The following CELF1 variants were observed in gnomAD, a reference collection of about 807,000 sequenced individuals.
CELF1 encodes the protein 50 kDa nuclear polyadenylated RNA-binding protein.
Under a neutral mutation model 61.8 loss-of-function variants are expected in CELF1, and 10 were observed. That is an observed-to-expected ratio of 0.16 (90% CI 0.10 to 0.27). The LOEUF (loss-of-function observed/expected upper bound fraction) is 0.27, where lower values mean the gene tolerates loss of function less well. Among genes scored for constraint, CELF1 ranks in the 10% least tolerant of loss-of-function variants. The pLI, the probability that CELF1 is intolerant of heterozygous loss-of-function variation, is 1.00. For synonymous variants in CELF1, 236 were observed against 225.1 expected (o/e 1.05, Z -0.43); for missense variants, 380 against 639.1 (o/e 0.59, Z 4.37).
At chr11:47,507,465 A>C (rs2094603395) in intron 1 of CELF1, among the ~76,000 whole-genome samples, 1 of 152,208 alleles carries the variant, frequency 6.6e-6, no homozygotes, top group African/African-American at 2.4e-5. Context: ...CTGAAACAAA[A>C]AAAAAAATCA....
chr11:47,495,638 T>C (rs2092946645), intron 3 of CELF1, among the ~76,000 whole-genome samples: 1 of 151,964 alleles, frequency 6.6e-6, no homozygotes, highest in Non-Finnish European at 1.5e-5. Flanking sequence ...TAGTTAAGAG[T>C]AGAAAGGAGG....
intron 2 of CELF1, among the ~76,000 whole-genome samples, chr11:47,560,909 C>T (rs1212974135): frequency 6.6e-6 from 1 of 151,978 alleles, no homozygotes; most frequent in Non-Finnish European, 1.5e-5. Flanking sequence ...GAGTCCGAGG[C>T]GGACAGATCA....
chr11:47,520,620 C>A (rs1288746897), intron 1 of CELF1, among the ~76,000 whole-genome samples: 6 of 151,774 alleles, frequency 4.0e-5, no homozygotes, highest in African/African-American at 1.5e-4. Context: ...CCAGCCTGGG[C>A]AACATGGCAA....
chr11:47,473,570 T>C (rs1242681871), intron 13 of CELF1, among the ~76,000 whole-genome samples: 1 of 151,142 alleles, frequency 6.6e-6, no homozygotes, highest in East Asian at 1.9e-4. Flanking sequence ...GAAGAGGAGG[T>C]GAAAAGGGGT....
chr11:47,483,779 A>G (rs1242278382), intron 7 of CELF1, among the ~76,000 whole-genome samples: 1 of 152,236 alleles, frequency 6.6e-6, no homozygotes, highest in African/African-American at 2.4e-5. Context: ...TCTTGAAAAT[A>G]AAAGAAAATG....
rs374301147 is a variant in CELF1 at position 47,466,231 on chromosome 11, A to G, written c.*5999T>C. ...TTTTTAAACCATTAAAGTAAAATCC[A>G]TAATTTTCTACAGAGTACAACACAA... On this transcript the variant is annotated 3_prime_UTR_variant, in exon 15 of 15. Transcript: ENST00000687097. The G allele has an allele frequency of 6.6e-6, 1 of 152,208 alleles. No homozygotes were observed. The highest frequency in any genetic ancestry group is 1.5e-5 in the Non-Finnish European group (1 of 68,044). 9.4% of individuals were successfully genotyped at this position (152,208 alleles called of 1,614,324 possible).
intron 2 of CELF1, among the ~76,000 whole-genome samples, chr11:47,558,723 ATATAT>A (rs1019877131): frequency 3.5e-4 from 39 of 110,252 alleles, no homozygotes; most frequent in South Asian, 7.2e-4. Context: ...ATATTATGAC[ATATAT>A]TATATATAAT....
chr11:47,499,374 A>G (rs1285930011), intron 3 of CELF1, 79 bp downstream of exon 3: 23 of 1,170,046 alleles, frequency 2.0e-5, no homozygotes, highest in Non-Finnish European at 2.8e-5. Context: ...TTCTTAAAAA[A>G]AGGAACCAAT....
Position 47,522,422 on chromosome 11 carries a change from C to A in CELF1, c.-153-21490G>T, listed in dbSNP as rs150122746. The stretch of plus-strand genomic sequence containing the variant: ...GCGTCTGAAGTCCCAGCTACTACTA[C>A]GGAGGCTGAGTCAGGAGAACCCGGG... On this transcript the variant is annotated intron_variant, in intron 1 of 14. Coordinates refer to ENST00000687097, the MANE Select transcript of CELF1 (RefSeq NM_001376376.1). Among the ~76,000 whole-genome samples, 34 of 150,732 alleles carry A rather than the reference C, an allele frequency of 2.3e-4. No individual in the cohort carries two copies. The East Asian group carries it at 6.8e-3, about 30-fold the overall frequency.
At chr11:47,482,207 A>AAAT (rs2083690308) in intron 9 of CELF1, among the ~76,000 whole-genome samples, 2 of 150,196 alleles carry the variant, frequency 1.3e-5, no homozygotes, top group Non-Finnish European at 3.0e-5. Flanking sequence ...TCCGTCTCAA[A>AAAT]AAATAAATAA....
rs1245951993 is a variant in CELF1, at chr11:47,550,606, T to C, written c.-154+2386A>G. Among the ~76,000 whole-genome samples the C allele has an allele frequency of 3.9e-5, 6 of 152,174 alleles. No individual in the cohort carries two copies. The East Asian group carries it at 1.2e-3, about 29-fold the overall frequency. On this transcript the variant is annotated intron_variant, in intron 1 of 14. Transcript: ENST00000687097. ...GCATTTCTATAGCATATGAAAAGGA[T>C]GGGCAAGATAAAGACCCAATATTTA... is the stretch of plus-strand genomic sequence containing the variant.
chr11:47,484,359 A>G, intron 7 of CELF1, 30 bp downstream of exon 7: 2 of 1,589,298 alleles, frequency 1.3e-6, no homozygotes, highest in South Asian at 1.2e-5. Context: ...CAAAAAACCA[A>G]AAGATTATTT....
At chr11:47,513,403 T>G (rs2095348375) in intron 1 of CELF1, among the ~76,000 whole-genome samples, 1 of 151,150 alleles carries the variant, frequency 6.6e-6, no homozygotes, top group Admixed American at 6.5e-5. Context: ...CCTAGTTTTT[T>G]GGGGGTTTTC....
chr11:47,553,208 A>G (rs527627233), upstream of CELF1: 4 of 387,724 alleles, frequency 1.0e-5, no homozygotes, highest in Admixed American at 1.8e-4. Flanking sequence ...GCGAGGGGGA[A>G]CGTATCACCG....
intron 1 of CELF1, among the ~76,000 whole-genome samples, chr11:47,534,232 A>G (rs61895109): frequency 1 from 149,561 of 150,290 alleles, 74,423 homozygotes; most frequent in Middle Eastern, 1. Flanking sequence ...GTTTCACCAC[A>G]TTGGCCAGGC....
chr11:47,522,419 C>G (rs1306111211), intron 1 of CELF1, among the ~76,000 whole-genome samples: 1 of 150,582 alleles, frequency 6.6e-6, no homozygotes, highest in Non-Finnish European at 1.5e-5. Context: ...CCAGCTACTA[C>G]TACGGAGGCT....
chr11:47,487,313 T>A, intron 4 of CELF1, 72 bp from the exon 5 acceptor site: 3 of 1,148,886 alleles, frequency 2.6e-6, no homozygotes, highest in Non-Finnish European at 2.6e-6. Context: ...CTTCCTCCAC[T>A]GACAGATCAG....
In CELF1 at chr11:47,487,299, A is replaced by G. The variant is rs2087993871; in HGVS notation, c.260-58T>C. On this transcript the variant is annotated intron_variant, in intron 4 of 14. Transcript: ENST00000687097. ...TTGGAAAGCAGAGAATTCCTAGAGC[A>G]ATCCTTCCTCCACTGACAGATCAGA... 5 of 1,324,730 alleles carry G rather than the reference A, an allele frequency of 3.8e-6. No homozygotes were observed. In the East Asian group the frequency reaches 9.2e-5, roughly 24 times the overall value. The allele number at this position is 1,324,730 out of a possible 1,614,324, so 82.1% of individuals were successfully genotyped here.
intron 9 of CELF1, 125 bp from the exon 10 acceptor site, chr11:47,479,077 G>GAAC (rs1333370161): frequency 1.4e-5 from 10 of 692,646 alleles, no homozygotes; most frequent in African/African-American, 3.6e-5. Flanking sequence ...TCAAAGACAA[G>GAAC]AACCCAAGCC....
Sources: allele counts gnomAD v4.1 joint callset (sites outside exome capture counted in the v4.1 genomes callset), GRCh38; gene constraint gnomAD v4.1.1; transcripts MANE v1.5; gene names NCBI Gene and HGNC (gene_info 2026-07-23, HGNC 2026-07-21).